CC2D1B: variants seen among roughly 807,000 people sequenced by gnomAD.
CC2D1B encodes coiled-coil and C2 domain containing 1B, also known as coiled-coil and C2 domain-containing protein 1B.
Under a neutral mutation model 110.8 loss-of-function variants are expected in CC2D1B, and 92 were observed. The observed-to-expected ratio is 0.83, with a 90% CI of 0.70 to 0.99. The LOEUF is 0.99. Among genes scored for constraint, CC2D1B ranks in the 50% least tolerant of loss-of-function variants. The pLI, the probability that CC2D1B is intolerant of heterozygous loss-of-function variation, is 0.00. For missense variants in CC2D1B, 1,136 were observed against 1,089.0 expected (o/e 1.04, Z -0.61); for synonymous variants, 406 against 429.2 (o/e 0.95, Z 0.67).
At position 52,350,860 on chromosome 1, in the gene CC2D1B, C is replaced by G. The variant is rs1344834968; in HGVS notation, c.*2365G>C. On this transcript the variant is annotated 3_prime_UTR_variant, in exon 25 of 25. Coordinates refer to ENST00000284376, the MANE Select transcript of CC2D1B (RefSeq NM_001330585.2). ...TCCTGGGCTCAAGGGATTCGTGTGT[C>G]TCAGCCTCCCTAGTAGCTGGGATTA... The G allele has an allele frequency of 6.6e-6, 1 of 152,266 alleles. No individual in the cohort carries two copies. Among genetic ancestry groups the G allele is most frequent in the African/African-American group, 2.4e-5 (1 of 41,454 alleles). 9.4% of individuals were successfully genotyped at this position (152,266 alleles called of 1,614,324 possible). A position where few individuals can be genotyped will look rare whatever the true frequency, so the allele number is the denominator to read the frequency against.
rs767027536 is a variant in CC2D1B at position 52,360,546 on chromosome 1, C to T, written c.481G>A (p.Gly161Arg). Residue 161 changes from glycine (G) to arginine (R), a missense_variant, in exon 6 of 25, where the codon GGA becomes AGA. Physicochemically the swap from Gly to Arg is moderately radical, Grantham distance 125. Coordinates refer to ENST00000284376, the MANE Select transcript of CC2D1B (RefSeq NM_001330585.2). ...AAAGCGTGTAGCCCCTGAGATGCTC[C>T]GGCCTATGAACAATTCAGCTAAGGG... ...LTASAPAAQA[G>R]ASQGLHALLE... 8.7e-6 allele frequency: 14 copies of T among 1,613,802 alleles called. No homozygotes were observed. The highest frequency in any genetic ancestry group is 2.7e-5 in the African/African-American group (2 of 75,054).
At position 52,357,779 on chromosome 1, in the gene CC2D1B, ACCAGATG is replaced by A; in HGVS notation, c.1574_1579+1del. ...TCTTCACCCTGCTTGTCCCCAACTC[ACCAGATG>A]GACTCGGTGACTCCTTAGAACTTGA... On this transcript the variant is annotated splice_donor_variant and coding_sequence_variant, in exon 14 of 25. Transcript: ENST00000284376. LOFTEE classifies it high-confidence loss of function. 1 of 1,591,336 alleles carries A rather than the reference ACCAGATG, an allele frequency of 6.3e-7. No homozygotes were observed. Among genetic ancestry groups the A allele is most frequent in the South Asian group, 1.1e-5 (1 of 87,750 alleles).
intron 16 of CC2D1B, 173 bp from the exon 17 acceptor site, chr1:52,356,615 A>G (rs1646658464): frequency 1.8e-5 from 12 of 671,496 alleles, no homozygotes; most frequent in Non-Finnish European, 2.8e-5. Flanking sequence ...CTCTGCCTAC[A>G]CTTTTGTCAT....
intron 4 of CC2D1B, 87 bp from the exon 5 acceptor site, chr1:52,361,219 A>G (rs1257652817): frequency 3.3e-6 from 5 of 1,503,560 alleles, no homozygotes; most frequent in Admixed American, 1.8e-5. Flanking sequence ...CCTCTCTCTC[A>G]GCAATATTCC....
intron 6 of CC2D1B, 36 bp downstream of exon 6, chr1:52,360,388 C>A (rs975354885): frequency 6.2e-7 from 1 of 1,607,978 alleles, no homozygotes; most frequent in Non-Finnish European, 8.5e-7. Flanking sequence ...CATGCAGCCC[C>A]CTCCCCTGCC....
chr1:52,364,341 C>T (rs1169116070), intron 2 of CC2D1B, among the ~76,000 whole-genome samples: 1 of 152,182 alleles, frequency 6.6e-6, no homozygotes, highest in Non-Finnish European at 1.5e-5. Context: ...CCCATCAGAA[C>T]ATCCTAAACT....
At position 52,351,038 on chromosome 1, in the gene CC2D1B, T is replaced by C. The variant is rs1026221063; in HGVS notation, c.*2187A>G. 1.3e-5 allele frequency: 2 copies of C among 152,238 alleles called. No individual in the cohort carries two copies. Among genetic ancestry groups the C allele is most frequent in the Admixed American group, 6.5e-5 (1 of 15,276 alleles). 9.4% of individuals were successfully genotyped at this position (152,238 alleles called of 1,614,324 possible). On this transcript the variant is annotated 3_prime_UTR_variant, in exon 25 of 25. Coordinates refer to ENST00000284376, the MANE Select transcript of CC2D1B (RefSeq NM_001330585.2). The stretch of plus-strand genomic sequence containing the variant: ...GTGGGATTACAGGCGTGAGCCACTG[T>C]GTCCCGCCTGTTTCCTGTATGTGGA...
chr1:52,361,174 G>T (rs1351042836), intron 4 of CC2D1B, 42 bp from the exon 5 acceptor site: 1 of 1,610,546 alleles, frequency 6.2e-7, no homozygotes, highest in Non-Finnish European at 8.5e-7. Flanking sequence ...GGGGCCTCAA[G>T]ACCATACCCA....
intron 2 of CC2D1B, 121 bp from the exon 3 acceptor site, chr1:52,362,867 G>A (rs113048903): frequency 0.015 from 14,741 of 989,332 alleles, 141 homozygotes; most frequent in Middle Eastern, 0.018. Flanking sequence ...GAGGCCCAAT[G>A]TGCAGAAAGA....
In CC2D1B at chr1:52,359,059, G is replaced by C. The variant is rs1373968441; in HGVS notation, c.1225C>G (p.Arg409Gly). Residue 409 changes from arginine (R) to glycine (G), a missense_variant, in exon 11 of 25, where the codon CGC becomes GGC. Coordinates refer to ENST00000284376, the MANE Select transcript of CC2D1B (RefSeq NM_001330585.2). ...ATGCGCTCATGCATCCGAGCCTTGC[G>C]CTCGTCCCCACCACTCCGGGCCTGG... ...GIQARSGGDE[R>G]KARMHERIAK... The C allele has an allele frequency of 6.2e-7, 1 of 1,608,030 alleles. No homozygotes were observed.
At position 52,357,437 on chromosome 1, in the gene CC2D1B, C is replaced by T; in HGVS notation, c.1752+89G>A. 3.6e-6 allele frequency: 5 copies of T among 1,385,054 alleles called. No homozygotes were observed. In the South Asian group the frequency reaches 5.5e-5, roughly 15 times the overall value. The allele number at this position is 1,385,054 out of a possible 1,614,324, so 85.8% of individuals were successfully genotyped here. A position where few individuals can be genotyped will look rare whatever the true frequency, so the allele number is the denominator to read the frequency against. ...TGCTCTGTCCAAACCCTGCCTCATC[C>T]CAGAAGCTGCCCTTGTTCACAGCCT... On this transcript the variant is annotated intron_variant, in intron 15 of 24. Coordinates refer to ENST00000284376, the MANE Select transcript of CC2D1B (RefSeq NM_001330585.2).
At chr1:52,357,334 A>AC (rs1646675764) in intron 15 of CC2D1B, among the ~76,000 whole-genome samples, 192 bp downstream of exon 15, 1 of 152,190 alleles carries the variant, frequency 6.6e-6, no homozygotes, top group Non-Finnish European at 1.5e-5. Context: ...CAGGCAGCCC[A>AC]CCTTCCCTTC....
At chr1:52,356,004 C>T (rs1646643298) in intron 18 of CC2D1B, among the ~76,000 whole-genome samples, 160 bp from the exon 19 acceptor site, 1 of 152,198 alleles carries the variant, frequency 6.6e-6, no homozygotes, top group Non-Finnish European at 1.5e-5. Context: ...AGAGCTCTTT[C>T]CACAGCACCC....
chr1:52,358,232 T>A, intron 13 of CC2D1B, 99 bp downstream of exon 13: 2 of 1,480,490 alleles, frequency 1.4e-6, no homozygotes, highest in Non-Finnish European at 1.8e-6. Context: ...GGAAAGAATA[T>A]GTACCTTATT....
chr1:52,353,654 G>A lies in CC2D1B; in HGVS notation c.2431-7C>T, dbSNP rs770626996. The stretch of plus-strand genomic sequence containing the variant: ...GCTTCCTTCCATCCAGGACCTGTGA[G>A]GACCACAGAGAGGGAAATGGTAACT... On this transcript the variant is annotated splice_region_variant and splice_polypyrimidine_tract_variant and intron_variant, in intron 23 of 24. Transcript: ENST00000284376. 2 of 1,585,784 alleles carry A rather than the reference G, an allele frequency of 1.3e-6. No individual in the cohort carries two copies. Among genetic ancestry groups the A allele is most frequent in the South Asian group, 2.3e-5 (2 of 88,312 alleles).
rs1424800705 is a variant in CC2D1B at position 52,366,162 on chromosome 1, G to C, written c.-108C>G. The C allele has an allele frequency of 6.6e-6, 1 of 152,262 alleles. No individual in the cohort carries two copies. The highest frequency in any genetic ancestry group is 2.4e-5 in the African/African-American group (1 of 41,448). The allele number at this position is 152,262 out of a possible 1,614,324, so 9.4% of individuals were successfully genotyped here. On this transcript the variant is annotated 5_prime_UTR_variant, in exon 1 of 25. Transcript: ENST00000284376. ...TGGGCCGCAGCGGTAGCGACAGGAA[G>C]CGCCAGCAGGGGAGGTGGCTCGCGC... is the stretch of plus-strand genomic sequence containing the variant.
chr1:52,359,752 G>A lies in CC2D1B; in HGVS notation c.895C>T (p.Arg299Trp), dbSNP rs750326956. ...EYKVAALSAKRAGELDRAREL... is the reference protein window; with the variant it reads ...EYKVAALSAKWAGELDRAREL... Reference sequence around the variant, plus strand: ...CGGGCACGGTCTAGCTCTCCAGCCCGCTTGGCACTGAGGGCAGCCACTTTG... The same window carrying A: ...CGGGCACGGTCTAGCTCTCCAGCCCACTTGGCACTGAGGGCAGCCACTTTG... The change falls in exon 8 of 25, where the codon CGG (arginine) becomes TGG (tryptophan). Residue 299 changes from arginine (R) to tryptophan (W), a missense_variant. Physicochemically the swap from Arg to Trp is moderately radical, Grantham distance 101. Transcript: ENST00000284376. 25 of 1,609,880 alleles carry A rather than the reference G, an allele frequency of 1.6e-5. No individual in the cohort carries two copies. The highest frequency in any genetic ancestry group is 5.3e-5 in the African/African-American group (4 of 74,818).
chr1:52,365,709 A>G (rs2147899541), intron 1 of CC2D1B, among the ~76,000 whole-genome samples: 1 of 152,312 alleles, frequency 6.6e-6, no homozygotes, highest in Admixed American at 6.5e-5. Flanking sequence ...CACAGAAGGT[A>G]GGGGGAAAAG....
rs746145085 is a variant in CC2D1B at position 52,353,622 on chromosome 1, C to G, written c.2456G>C (p.Gly819Ala). Residue 819 changes from glycine (G) to alanine (A), a missense_variant, in exon 24 of 25, where the codon GGG becomes GCG. Gly to Ala is a moderately conservative substitution (Grantham distance 60). Coordinates refer to ENST00000284376, the MANE Select transcript of CC2D1B (RefSeq NM_001330585.2). ...CCTCACCTTCACCTCCAGCTTCCCC[C>G]CGGTGGGCTTCCTTCCATCCAGGAC... ...VEVLDGRKPT[G>A]GKLEVKVRLR... 122 of 1,608,610 alleles carry G rather than the reference C, an allele frequency of 7.6e-5. No individual in the cohort carries two copies. Among genetic ancestry groups the G allele is most frequent in the Non-Finnish European group, 9.8e-5 (115 of 1,177,372 alleles).
Sources: allele counts gnomAD v4.1 joint callset (sites outside exome capture counted in the v4.1 genomes callset), GRCh38; gene constraint gnomAD v4.1.1; transcripts MANE v1.5; gene names NCBI Gene and HGNC (gene_info 2026-07-23, HGNC 2026-07-21).